Variants in ACSL1 observed in about 807,000 individuals in gnomAD.
ACSL1 encodes long-chain-fatty-acid--CoA ligase 1.
Under a neutral mutation model 98.4 loss-of-function variants are expected in ACSL1, and 41 were observed. The ratio of observed to expected loss-of-function variants is 0.42; its 90% CI spans 0.32 to 0.54. ACSL1 has a LOEUF of 0.54. Among genes scored for constraint, ACSL1 ranks in the 20% least tolerant of loss-of-function variants. The probability of loss-of-function intolerance (pLI) is 0.13; values close to 1 mark genes in which losing one functional copy is unlikely to be tolerated. For missense variants in ACSL1, 734 were observed against 883.1 expected (o/e 0.83, Z 2.14); for synonymous variants, 316 against 322.7 (o/e 0.98, Z 0.22).
intron 15 of ACSL1, among the ~76,000 whole-genome samples, chr4:184,763,575 C>T (rs966509553): frequency 2.0e-5 from 3 of 152,190 alleles, no homozygotes; most frequent in African/African-American, 7.2e-5. Context: ...TTCCACCCTC[C>T]GATCGCCCCC....
chr4:184,777,803 C>T lies in ACSL1; in HGVS notation c.478-820G>A, dbSNP rs893513571. Among the ~76,000 whole-genome samples the T allele has an allele frequency of 2.0e-5, 3 of 151,728 alleles. No individual in the cohort carries two copies. The South Asian group carries it at 6.3e-4, about 32-fold the overall frequency. Reference sequence around the variant, plus strand: ...AGAAAGAGAGAGAGAGAGACAGAGACAGAGGGAGGCAGGGAGATGCTAACA... The same window carrying T: ...AGAAAGAGAGAGAGAGAGACAGAGATAGAGGGAGGCAGGGAGATGCTAACA... On this transcript the variant is annotated intron_variant, in intron 5 of 20. Coordinates refer to ENST00000281455, the MANE Select transcript of ACSL1 (RefSeq NM_001995.5).
intron 11 of ACSL1, 41 bp from the exon 12 acceptor site, chr4:184,768,491 G>A: frequency 1.3e-6 from 2 of 1,590,060 alleles, no homozygotes; most frequent in Non-Finnish European, 1.7e-6. Context: ...TATCACCACA[G>A]CAGGGGTTAC....
At chr4:184,821,283 A>G (rs1398135410) in intron 1 of ACSL1, 1 of 351,800 alleles carries the variant, frequency 2.8e-6, no homozygotes, top group Non-Finnish European at 5.7e-6. Context: ...ACTCTGCTTA[A>G]TAAAGGAATA....
At chr4:184,763,070 G>T in intron 16 of ACSL1, 97 bp downstream of exon 16, 1 of 1,247,344 alleles carries the variant, frequency 8.0e-7, no homozygotes, top group Non-Finnish European at 1.1e-6. Flanking sequence ...CAAGTTCAAT[G>T]GCTTTATTGA....
rs1200606760 is a variant in ACSL1, at chr4:184,825,481, G to T, written c.-33+435C>A. Among the ~76,000 whole-genome samples the T allele has an allele frequency of 2.6e-5, 4 of 151,908 alleles. No homozygotes were observed. Among genetic ancestry groups the T allele is most frequent in the Non-Finnish European group, 5.9e-5 (4 of 67,926 alleles). ...CGCCCCACGCGCGGTCCGAACGCCC[G>T]CGAGCCCGGCCTCTGGGCAGGCGGG... On this transcript the variant is annotated intron_variant, in intron 1 of 20. Transcript: ENST00000281455. The surrounding 1 kb of genome is among the most constrained non-coding windows in gnomAD (Gnocchi z 4.7).
Position 184,766,550 on chromosome 4 carries a change from A to T in ACSL1, c.1263+72T>A. 1 of 1,552,096 alleles carries T rather than the reference A, an allele frequency of 6.4e-7. No homozygotes were observed. Among genetic ancestry groups the T allele is most frequent in the Non-Finnish European group, 8.7e-7 (1 of 1,144,254 alleles). On this transcript the variant is annotated intron_variant, in intron 13 of 20. Coordinates refer to ENST00000281455, the MANE Select transcript of ACSL1 (RefSeq NM_001995.5). The surrounding 1 kb of genome is among the most constrained non-coding windows in gnomAD (Gnocchi z 4.8). ...TTACCTTCATCTCTCCCTCTCACAA[A>T]AAAGGCCCTCCCAGAACTCTGAAAA...
intron 5 of ACSL1, among the ~76,000 whole-genome samples, chr4:184,779,429 G>C (rs560675659): frequency 6.6e-6 from 1 of 152,218 alleles, no homozygotes; most frequent in East Asian, 1.9e-4. Flanking sequence ...ACCTCTTTTT[G>C]TTCCCAGTCT....
intron 5 of ACSL1, among the ~76,000 whole-genome samples, chr4:184,779,073 T>C (rs1219443791): frequency 6.6e-6 from 1 of 152,222 alleles, no homozygotes. Context: ...TCTACTAATC[T>C]ATTGAGTCAT....
intron 4 of ACSL1, among the ~76,000 whole-genome samples, chr4:184,783,612 T>C (rs1355192646): frequency 6.6e-6 from 1 of 152,174 alleles, no homozygotes; most frequent in East Asian, 1.9e-4. Context: ...ACCCCTCAAG[T>C]GGAGAGAAAT....
At chr4:184,786,524 G>A (rs546384935) in intron 3 of ACSL1, among the ~76,000 whole-genome samples, 1 of 151,818 alleles carries the variant, frequency 6.6e-6, no homozygotes, top group South Asian at 2.1e-4. Flanking sequence ...GACAAACCCT[G>A]ACCTTGACAC....
chr4:184,819,512 G>C (rs148555360), intron 1 of ACSL1, among the ~76,000 whole-genome samples: 200 of 152,158 alleles, frequency 1.3e-3, no homozygotes, highest in African/African-American at 4.6e-3. Flanking sequence ...TCAGTGTCTT[G>C]ATCTTAGCTA....
rs1045076295 is a variant in ACSL1, at chr4:184,825,547, C to T, written c.-33+369G>A. ...CAACGTCAGCGGCCCAGCTGGGCCA[C>T]CTCCTCCCAGCCGAAGCGCGGCCTC... On this transcript the variant is annotated intron_variant, in intron 1 of 20. Transcript: ENST00000281455. The surrounding 1 kb of genome is among the most constrained non-coding windows in gnomAD (Gnocchi z 4.7). Among the ~76,000 whole-genome samples the T allele has an allele frequency of 1.3e-5, 2 of 151,576 alleles. No individual in the cohort carries two copies. The highest frequency in any genetic ancestry group is 4.8e-5 in the African/African-American group (2 of 41,376).
intron 3 of ACSL1, among the ~76,000 whole-genome samples, chr4:184,785,472 C>T (rs575516812): frequency 5.3e-5 from 8 of 152,132 alleles, no homozygotes; most frequent in African/African-American, 1.4e-4. Flanking sequence ...AAACTCTAGG[C>T]GGGCTGCTTC....
At chr4:184,776,831 C>A (rs928859612) in intron 6 of ACSL1, 53 bp downstream of exon 6, 1 of 1,581,498 alleles carries the variant, frequency 6.3e-7, no homozygotes, top group African/African-American at 1.3e-5. Flanking sequence ...TGTAAAGTCA[C>A]TGAACCTAAC....
At chr4:184,769,096 G>T (rs1173914414) in intron 11 of ACSL1, among the ~76,000 whole-genome samples, 2 of 122,730 alleles carry the variant, frequency 1.6e-5, no homozygotes, top group African/African-American at 3.0e-5. Flanking sequence ...TATATATATA[G>T]CCTTCCAGAA....
chr4:184,776,366 G>T, intron 7 of ACSL1, 118 bp downstream of exon 7: 1 of 1,145,832 alleles, frequency 8.7e-7, no homozygotes, highest in South Asian at 1.7e-5. Flanking sequence ...ATGGGTTGCG[G>T]AGGCAACCGG....
rs149291375 is a variant in ACSL1, at chr4:184,791,701, G to A, written c.196-2970C>T. Among the ~76,000 whole-genome samples the A allele has an allele frequency of 7.2e-3, 1,098 of 152,254 alleles. 15 individuals are homozygous for A. Among genetic ancestry groups the A allele is most frequent in the African/African-American group, 0.024 (989 of 41,534 alleles). Reference sequence around the variant, plus strand: ...GAACAGGAGGGAGGGAAGAGACTGGGGAGAAACCAACTCCTACAGACCTGG... The same window carrying A: ...GAACAGGAGGGAGGGAAGAGACTGGAGAGAAACCAACTCCTACAGACCTGG... On this transcript the variant is annotated intron_variant, in intron 2 of 20. Transcript: ENST00000281455.
Position 184,803,260 on chromosome 4 carries a change from C to G in ACSL1, c.195+60G>C. On this transcript the variant is annotated intron_variant, in intron 2 of 20. Coordinates refer to ENST00000281455, the MANE Select transcript of ACSL1 (RefSeq NM_001995.5). The surrounding 1 kb of genome is among the most constrained non-coding windows in gnomAD (Gnocchi z 4.8). ...TTGATGGCTATCACATTCAACAGGG[C>G]TCAGCTCATCTGGGGAAATGCGGAG... The G allele has an allele frequency of 1.4e-6, 2 of 1,398,898 alleles. No individual in the cohort carries two copies. The highest frequency in any genetic ancestry group is 1.9e-6 in the Non-Finnish European group (2 of 1,045,318). 86.7% of individuals were successfully genotyped at this position (1,398,898 alleles called of 1,614,324 possible).
intron 18 of ACSL1, among the ~76,000 whole-genome samples, chr4:184,759,210 C>T (rs933924913): frequency 2.6e-5 from 4 of 152,060 alleles, no homozygotes; most frequent in East Asian, 1.9e-4. Flanking sequence ...AATAAACATA[C>T]GTGTGCATGT....
Sources: allele counts gnomAD v4.1 joint callset (sites outside exome capture counted in the v4.1 genomes callset), GRCh38; gene constraint gnomAD v4.1.1; non-coding constraint Gnocchi (gnomAD v3.1); transcripts MANE v1.5; gene names NCBI Gene and HGNC (gene_info 2026-07-23, HGNC 2026-07-21).